Variants in YAP1 observed in about 807,000 individuals in gnomAD.
The protein encoded by YAP1 is transcriptional coactivator YAP1.
YAP1 carries 5 observed loss-of-function variants against 56.9 expected under a neutral mutation model. The ratio of observed to expected loss-of-function variants is 0.09; its 90% CI spans 0.05 to 0.18. YAP1 has a LOEUF of 0.18. Among genes scored for constraint, YAP1 ranks in the 10% least tolerant of loss-of-function variants. The pLI is 1.00. For synonymous variants in YAP1, 265 were observed against 248.1 expected (o/e 1.07, Z -0.64); for missense variants, 539 against 651.8 (o/e 0.83, Z 1.88).
chr11:102,135,936 G>T (rs1403528553), intron 2 of YAP1, among the ~76,000 whole-genome samples: 1 of 152,098 alleles, frequency 6.6e-6, no homozygotes, highest in Non-Finnish European at 1.5e-5. Flanking sequence ...TGTATAGCTA[G>T]ACCACAGTTT....
intron 6 of YAP1, among the ~76,000 whole-genome samples, chr11:102,217,517 T>C (rs1949721302): frequency 6.6e-6 from 1 of 152,172 alleles, no homozygotes; most frequent in African/African-American, 2.4e-5. Flanking sequence ...ACTGTGGATA[T>C]AACATGAATG....
intron 2 of YAP1, among the ~76,000 whole-genome samples, chr11:102,148,653 A>G (rs1014264621): frequency 2.0e-5 from 3 of 152,140 alleles, no homozygotes; most frequent in Non-Finnish European, 4.4e-5. Context: ...TTTTTAAGAT[A>G]TTATTTCTCT....
intron 6 of YAP1, among the ~76,000 whole-genome samples, chr11:102,217,227 T>C (rs997535740): frequency 5.3e-5 from 8 of 152,208 alleles, no homozygotes; most frequent in Non-Finnish European, 1.0e-4. Context: ...TAAGATTATG[T>C]AGTTTTGAAA....
chr11:102,196,199 A>G (rs964363948), intron 4 of YAP1, among the ~76,000 whole-genome samples: 1 of 152,156 alleles, frequency 6.6e-6, no homozygotes, highest in Non-Finnish European at 1.5e-5. Flanking sequence ...TATAGAGGCT[A>G]AAGAATTGGG....
rs571404100 is a variant in YAP1, at chr11:102,155,746, G to A, written c.573-6710G>A. On this transcript the variant is annotated intron_variant, in intron 2 of 8. Coordinates refer to ENST00000282441, the MANE Select transcript of YAP1 (RefSeq NM_001130145.3). ...TGTAATAATATTTTGGGTGGCCGAA[G>A]CCCTGTTATGTTGTTAACAGTTGAA... Among the ~76,000 whole-genome samples the A allele has an allele frequency of 5.3e-5, 8 of 152,284 alleles. No homozygotes were observed. In the East Asian group the frequency reaches 1.3e-3, roughly 26 times the overall value.
At chr11:102,166,390 C>A (rs757588734) in intron 3 of YAP1, among the ~76,000 whole-genome samples, 1 of 152,046 alleles carries the variant, frequency 6.6e-6, no homozygotes, top group Non-Finnish European at 1.5e-5. Flanking sequence ...CTTGATATAC[C>A]TCATGTTCAC....
chr11:102,214,730 C>T (rs1453604496), intron 6 of YAP1, among the ~76,000 whole-genome samples: 2 of 152,154 alleles, frequency 1.3e-5, no homozygotes, highest in Non-Finnish European at 2.9e-5. Context: ...TCTCACACCT[C>T]ACATACTTTT....
At chr11:102,133,237 G>A (rs1007465393) in intron 2 of YAP1, among the ~76,000 whole-genome samples, 6 of 152,158 alleles carry the variant, frequency 3.9e-5, no homozygotes, top group African/African-American at 9.6e-5. Context: ...TTTTAAACTC[G>A]ACAATTCTTA....
intron 6 of YAP1, among the ~76,000 whole-genome samples, chr11:102,211,808 A>G (rs1235000473): frequency 6.6e-6 from 1 of 152,026 alleles, no homozygotes; most frequent in African/African-American, 2.4e-5. Flanking sequence ...GGTTCAAGCA[A>G]TTCTCCTGCC....
chr11:102,170,844 C>T (rs1462550707), intron 3 of YAP1, among the ~76,000 whole-genome samples: 2 of 151,884 alleles, frequency 1.3e-5, no homozygotes, highest in Non-Finnish European at 2.9e-5. Flanking sequence ...TGGTGGGTGC[C>T]TGTAATCCCA....
rs574524098 is a variant in YAP1, at chr11:102,133,487, G to A, written c.572+19093G>A. Among the ~76,000 whole-genome samples, 25 of 152,176 alleles carry A rather than the reference G, an allele frequency of 1.6e-4. No individual in the cohort carries two copies. In the South Asian group the frequency reaches 2.5e-3, roughly 15 times the overall value. Reference sequence around the variant, plus strand: ...AATTTTTGTATTTTTTGTAGAGATGGGGTTTCAACATGTTGCCAAGGCTGG... The same window carrying A: ...AATTTTTGTATTTTTTGTAGAGATGAGGTTTCAACATGTTGCCAAGGCTGG... On this transcript the variant is annotated intron_variant, in intron 2 of 8. Transcript: ENST00000282441.
At chr11:102,168,230 A>G (rs911345804) in intron 3 of YAP1, among the ~76,000 whole-genome samples, 2 of 152,166 alleles carry the variant, frequency 1.3e-5, no homozygotes, top group Admixed American at 6.5e-5. Context: ...TGTATGATAT[A>G]TATTAAATTT....
intron 6 of YAP1, among the ~76,000 whole-genome samples, chr11:102,216,771 C>T (rs1210599659): frequency 6.6e-6 from 1 of 152,080 alleles, no homozygotes; most frequent in Admixed American, 6.5e-5. Flanking sequence ...TTCTGTTTTC[C>T]CAAAGGTAAC....
chr11:102,126,283 A>G lies in YAP1; in HGVS notation c.572+11889A>G, dbSNP rs577286617. Among the ~76,000 whole-genome samples, 10 of 152,298 alleles carry G rather than the reference A, an allele frequency of 6.6e-5. No homozygotes were observed. The South Asian group carries it at 2.1e-3, about 32-fold the overall frequency. ...TTTTATGATTTGGTTTAAACCTTAC[A>G]AAATCACTTTTTACTGAATCCTTGA... is the stretch of plus-strand genomic sequence containing the variant. On this transcript the variant is annotated intron_variant, in intron 2 of 8. Transcript: ENST00000282441.
chr11:102,225,557 T>C (rs1425848081), intron 7 of YAP1, among the ~76,000 whole-genome samples: 1 of 152,170 alleles, frequency 6.6e-6, no homozygotes, highest in African/African-American at 2.4e-5. Flanking sequence ...TTATGTATAT[T>C]CCTTAAGCTC....
intron 3 of YAP1, 56 bp downstream of exon 3, chr11:102,162,627 G>GT: frequency 5.2e-6 from 8 of 1,536,252 alleles, no homozygotes; most frequent in Non-Finnish European, 7.2e-6. Flanking sequence ...ATTGGTAAAA[G>GT]TTGATGTGGA....
chr11:102,214,125 A>G (rs1208601352), intron 6 of YAP1, among the ~76,000 whole-genome samples: 1 of 152,124 alleles, frequency 6.6e-6, no homozygotes, highest in Non-Finnish European at 1.5e-5. Context: ...AATAAAAACA[A>G]CACTGCTGTA....
At chr11:102,217,115 T>C (rs549323523) in intron 6 of YAP1, among the ~76,000 whole-genome samples, 1 of 152,196 alleles carries the variant, frequency 6.6e-6, no homozygotes, top group Non-Finnish European at 1.5e-5. Context: ...TAGTGGACTT[T>C]TATGGAACCA....
chr11:102,229,016 G>T (rs1950339002), intron 8 of YAP1, among the ~76,000 whole-genome samples: 1 of 152,088 alleles, frequency 6.6e-6, no homozygotes, highest in South Asian at 2.1e-4. Context: ...CCTCTAATCT[G>T]TATTGCTCTC....
Sources: allele counts gnomAD v4.1 joint callset (sites outside exome capture counted in the v4.1 genomes callset), GRCh38; gene constraint gnomAD v4.1.1; transcripts MANE v1.5; gene names NCBI Gene and HGNC (gene_info 2026-07-23, HGNC 2026-07-21).